The following NAALADL2 variants were observed in gnomAD, a reference collection of about 807,000 sequenced individuals.
The protein encoded by NAALADL2 is N-acetylated alpha-linked acidic dipeptidase like 2.
NAALADL2 carries 76 observed loss-of-function variants against 87.2 expected under a neutral mutation model. The ratio of observed to expected loss-of-function variants is 0.87; its 90% confidence interval spans 0.72 to 1.05. The LOEUF (loss-of-function observed/expected upper bound fraction) is 1.05, where lower values mean the gene tolerates loss of function less well. Among genes scored for constraint, NAALADL2 ranks in the 50% least tolerant of loss-of-function variants. The pLI, the probability that NAALADL2 is intolerant of heterozygous loss-of-function variation, is 0.00. For missense variants in NAALADL2, 1,089 were observed against 945.8 expected, an observed-to-expected ratio of 1.15 and a Z score of -1.99; for synonymous variants, 354 against 331.0, an observed-to-expected ratio of 1.07 and a Z score of -0.75.
At chr3:174,485,820 C>G (rs1717819898) in intron 1 of NAALADL2, among the ~76,000 whole-genome samples, 1 of 151,908 alleles carries the variant, frequency 6.6e-6, no homozygotes, top group Non-Finnish European at 1.5e-5. Flanking sequence ...GTTCCTGTGT[C>G]TAGAATGGTA....
At chr3:175,614,844 C>T (rs892860571) in intron 10 of NAALADL2, among the ~76,000 whole-genome samples, 2 of 152,054 alleles carry the variant, frequency 1.3e-5, no homozygotes, top group Admixed American at 1.3e-4. Context: ...CTAAAACTGG[C>T]ATGACAAAGG....
intron 5 of NAALADL2, among the ~76,000 whole-genome samples, chr3:175,388,233 T>G (rs1171756008): frequency 6.6e-6 from 1 of 152,108 alleles, no homozygotes; most frequent in African/African-American, 2.4e-5. Context: ...TGAAGATCTA[T>G]CTGATAGTAG....
intron 11 of NAALADL2, among the ~76,000 whole-genome samples, chr3:175,700,635 A>G (rs752449883): frequency 2.0e-5 from 3 of 152,144 alleles, no homozygotes; most frequent in Admixed American, 6.6e-5. Context: ...ATGTGAAAAG[A>G]AAGTATGGGA....
chr3:175,324,631 G>A (rs573779450), intron 5 of NAALADL2, among the ~76,000 whole-genome samples: 1 of 152,246 alleles, frequency 6.6e-6, no homozygotes, highest in African/African-American at 2.4e-5. Context: ...GGTGTGACAG[G>A]TACTCCAGGT....
At chr3:174,492,323 A>G (rs1718254941) in intron 1 of NAALADL2, among the ~76,000 whole-genome samples, 1 of 152,084 alleles carries the variant, frequency 6.6e-6, no homozygotes. Context: ...GAGAATCTGG[A>G]CACCATTTAC....
chr3:175,301,004 C>T (rs893840813), intron 4 of NAALADL2, among the ~76,000 whole-genome samples: 55 of 152,132 alleles, frequency 3.6e-4, no homozygotes, highest in Admixed American at 2.6e-3. Context: ...ATCCGCCTGC[C>T]TCAGACTCCC....
intron 2 of NAALADL2, among the ~76,000 whole-genome samples, chr3:175,106,614 A>G (rs1166709934): frequency 6.6e-6 from 1 of 152,178 alleles, no homozygotes; most frequent in East Asian, 1.9e-4. Context: ...CACTCATGCT[A>G]TAGAAAAGTT....
intron 2 of NAALADL2, among the ~76,000 whole-genome samples, chr3:174,637,798 T>C (rs1722796809): frequency 6.6e-6 from 1 of 152,140 alleles, no homozygotes. Flanking sequence ...TGTATATCTG[T>C]ATGTACATAT....
At chr3:175,226,056 T>C (rs1252006149) in intron 2 of NAALADL2, among the ~76,000 whole-genome samples, 1 of 152,132 alleles carries the variant, frequency 6.6e-6, no homozygotes. Flanking sequence ...ACCAAATCAA[T>C]TAAAGTATTT....
At chr3:175,612,753 G>T (rs1724815958) in intron 10 of NAALADL2, among the ~76,000 whole-genome samples, 1 of 152,084 alleles carries the variant, frequency 6.6e-6, no homozygotes, top group Admixed American at 6.6e-5. Context: ...TACTAAGACT[G>T]CATTAAAGTT....
chr3:175,357,245 A>G (rs1163653818), intron 5 of NAALADL2, among the ~76,000 whole-genome samples: 1 of 152,204 alleles, frequency 6.6e-6, no homozygotes, highest in Non-Finnish European at 1.5e-5. Flanking sequence ...AATAGGTCAC[A>G]AAGATCAGTG....
chr3:175,608,964 G>A (rs1203420406), intron 10 of NAALADL2, among the ~76,000 whole-genome samples: 2 of 148,954 alleles, frequency 1.3e-5, no homozygotes, highest in Admixed American at 6.8e-5. Context: ...ACATACCAAA[G>A]AGATAATCGT....
intron 2 of NAALADL2, among the ~76,000 whole-genome samples, chr3:175,217,656 G>A (rs1157923623): frequency 6.6e-6 from 1 of 152,142 alleles, no homozygotes; most frequent in Non-Finnish European, 1.5e-5. Context: ...TGTGAAAAAA[G>A]CAATGGCTGA....
Position 174,845,992 on chromosome 3 carries a change from C to T in NAALADL2, c.-9+108246C>T, listed in dbSNP as rs866502067. Reference sequence around the variant, plus strand: ...GCTCAGGTTGTCAGAGTAGAGCATACGATGGGGGTTTCTGCTCTGGAGCAA... The same window carrying T: ...GCTCAGGTTGTCAGAGTAGAGCATATGATGGGGGTTTCTGCTCTGGAGCAA... On this transcript the variant is annotated intron_variant, in intron 3 of 3. Transcript: ENST00000434257. 1.4e-4 allele frequency among the ~76,000 whole-genome samples: 21 copies of T among 152,224 alleles called. No individual in the cohort carries two copies. The Middle Eastern group carries it at 0.01, about 74-fold the overall frequency.
At chr3:175,595,056 C>G (rs1246539529) in intron 10 of NAALADL2, among the ~76,000 whole-genome samples, 2 of 151,916 alleles carry the variant, frequency 1.3e-5, no homozygotes, top group East Asian at 1.9e-4. Flanking sequence ...GGGGACATAG[C>G]CAAAAATTCT....
chr3:175,336,578 G>T (rs1002587852), intron 5 of NAALADL2, among the ~76,000 whole-genome samples: 1 of 152,214 alleles, frequency 6.6e-6, no homozygotes, highest in Non-Finnish European at 1.5e-5. Context: ...CATGGTGATG[G>T]CAAAGTATAC....
At chr3:174,790,374 G>A (rs945824509) in intron 3 of NAALADL2, among the ~76,000 whole-genome samples, 1 of 152,078 alleles carries the variant, frequency 6.6e-6, no homozygotes, top group Admixed American at 6.6e-5. Flanking sequence ...ATAAGTTCAG[G>A]CGTGGTGGTT....
intron 2 of NAALADL2, among the ~76,000 whole-genome samples, chr3:175,158,302 C>A (rs770140349): frequency 6.6e-6 from 1 of 152,096 alleles, no homozygotes; most frequent in East Asian, 1.9e-4. Flanking sequence ...CAAAATAAGA[C>A]AATTTTCACC....
chr3:175,081,212 A>G (rs1359988632), intron 1 of NAALADL2: 2 of 152,228 alleles, frequency 1.3e-5, no homozygotes, highest in Non-Finnish European at 2.9e-5. Context: ...TCTGAAGCAA[A>G]ACAAGACAAA....
Sources: gnomAD v4.1 joint callset for allele counts (sites outside exome capture counted in the v4.1 genomes callset) on GRCh38, gnomAD v4.1.1 for gene constraint, MANE v1.5 for transcripts, NCBI Gene and HGNC (gene_info 2026-07-23, HGNC 2026-07-21) for gene names.